Variants in ZKSCAN8 observed in about 807,000 individuals in gnomAD.
ZKSCAN8 encodes the protein zinc finger protein with KRAB and SCAN domains 8.
In ZKSCAN8, 27 loss-of-function variants were observed where a neutral mutation model predicts 57.2. The observed-to-expected ratio is 0.47, with a 90% CI of 0.35 to 0.65. The LOEUF (loss-of-function observed/expected upper bound fraction) is 0.65, where lower values mean the gene tolerates loss of function less well. ZKSCAN8 is among the 30% of genes least tolerant of loss of function. The probability of loss-of-function intolerance (pLI) is 0.01; values close to 1 mark genes in which losing one functional copy is unlikely to be tolerated. For synonymous variants in ZKSCAN8, 214 were observed against 248.7 expected, an observed-to-expected ratio of 0.86 and a Z score of 1.31; for missense variants, 597 against 696.3, an observed-to-expected ratio of 0.86 and a Z score of 1.60.
Position 28,151,906 on chromosome 6 carries a change from G to A in ZKSCAN8, c.621G>A (p.Met207Ile), listed in dbSNP as rs761794277. Residue 207 changes from methionine (M) to isoleucine (I), a missense_variant, in exon 4 of 6, where the codon ATG becomes ATA. Coordinates refer to ENST00000330236, the MANE Select transcript of ZKSCAN8 (RefSeq NM_006298.4). The part of the protein sequence containing the change: ...SQKGSSGDQE[M>I]TATLLTAGFQ... ...AAGGAAGTTCTGGAGACCAGGAAAT[G>A]ACAGCTACACTTCTCACAGCAGGGT... 7.4e-6 allele frequency: 12 copies of A among 1,614,024 alleles called. No individual in the cohort carries two copies. The highest frequency in any genetic ancestry group is 2.7e-5 in the African/African-American group (2 of 74,912).
chr6:28,153,307 A>G lies in ZKSCAN8; in HGVS notation c.1027A>G (p.Ile343Val). The G allele has an allele frequency of 6.2e-7, 1 of 1,614,204 alleles. No homozygotes were observed. Among genetic ancestry groups the G allele is most frequent in the Non-Finnish European group, 8.5e-7 (1 of 1,180,028 alleles). The change falls in exon 6 of 6, where the codon ATC becomes GTC. Residue 343 changes from isoleucine (I) to valine (V), a missense_variant. By Grantham distance (29) the Ile-to-Val change is conservative (BLOSUM62 3). Transcript: ENST00000330236. ...CTCAGGCCTTGTTCGCCACTGGAGA[A>G]TCCACACTGGGGAGAAACCCTATCA... is the stretch of plus-strand genomic sequence containing the variant. The part of the protein sequence containing the change: ...QSSGLVRHWR[I>V]HTGEKPYQCN...
rs1457668592 is a variant in ZKSCAN8, at chr6:28,152,340, G to A, written c.731G>A (p.Cys244Tyr). The change falls in exon 5 of 6, where the codon TGT (cysteine) becomes TAT (tyrosine). Residue 244 changes from cysteine (C) to tyrosine (Y), a missense_variant. Physicochemically the swap from Cys to Tyr is radical, Grantham distance 194 (BLOSUM62 -2). Transcript: ENST00000330236. Reference sequence around the variant, plus strand: ...CTTGATCCATCACAGAAGGATCTGTGTAGAGATAACAGGCCAGAAAATTTC... The same window carrying A: ...CTTGATCCATCACAGAAGGATCTGTATAGAGATAACAGGCCAGAAAATTTC... ...WLLDPSQKDL[C>Y]RDNRPENFRN... 2 of 1,613,508 alleles carry A rather than the reference G, an allele frequency of 1.2e-6. No individual in the cohort carries two copies. The highest frequency in any genetic ancestry group is 3.3e-5 in the Admixed American group (2 of 59,836).
rs778441438 is a variant in ZKSCAN8 at position 28,151,954 on chromosome 6, T to C, written c.651+18T>C. On this transcript the variant is annotated intron_variant, in intron 4 of 5. Transcript: ENST00000330236. ...GGTTCCAGGTGAGTTGTGCTCCTTC[T>C]CACTGAAACGCCATAGCTGTGCTTG... The C allele has an allele frequency of 6.2e-7, 1 of 1,611,146 alleles. No individual in the cohort carries two copies. The highest frequency in any genetic ancestry group is 1.3e-5 in the African/African-American group (1 of 74,852).
At chr6:28,151,026 G>A (rs916906649) in intron 3 of ZKSCAN8, among the ~76,000 whole-genome samples, 35 of 152,152 alleles carry the variant, frequency 2.3e-4, no homozygotes, top group Admixed American at 4.6e-4. Context: ...GGCTGGTCTC[G>A]AACTCCTAGC....
chr6:28,154,855 C>G lies in ZKSCAN8; in HGVS notation c.*838C>G, dbSNP rs1021658892. 2 of 152,640 alleles carry G rather than the reference C, an allele frequency of 1.3e-5. No homozygotes were observed. Among genetic ancestry groups the G allele is most frequent in the Non-Finnish European group, 2.9e-5 (2 of 68,046 alleles). The allele number at this position is 152,640 out of a possible 1,614,324, so 9.5% of individuals were successfully genotyped here. A position where few individuals can be genotyped will look rare whatever the true frequency, so the allele number is the denominator to read the frequency against. On this transcript the variant is annotated 3_prime_UTR_variant, in exon 6 of 6. Transcript: ENST00000330236. ...ATACATTTTGGTGACTTCTGACTCT[C>G]CTTCCACCTCCCCACTGTACACTGT...
At chr6:28,141,736 G>C (rs1581514757), upstream of ZKSCAN8, among the ~76,000 whole-genome samples, 1 of 152,254 alleles carries the variant, frequency 6.6e-6, no homozygotes, top group Admixed American at 6.5e-5. Flanking sequence ...GCACGCAGAC[G>C]CGGGAGGAAC....
Position 28,159,012 on chromosome 6 carries a change from A to T in ZKSCAN8, c.*4995A>T, listed in dbSNP as rs1278232413. ...ATTACTCTCTAGCATATTCACCTTGATTCAACAGATTCAAACTTCCTACAG... is the reference window on the plus strand; with the variant it reads ...ATTACTCTCTAGCATATTCACCTTGTTTCAACAGATTCAAACTTCCTACAG... On this transcript the variant is annotated 3_prime_UTR_variant, in exon 6 of 6. Coordinates refer to ENST00000330236, the MANE Select transcript of ZKSCAN8 (RefSeq NM_006298.4). 6.6e-6 allele frequency: 1 copy of T among 152,162 alleles called. No homozygotes were observed. The highest frequency in any genetic ancestry group is 2.4e-5 in the African/African-American group (1 of 41,414). The allele number at this position is 152,162 out of a possible 1,614,324, so 9.4% of individuals were successfully genotyped here. A position where few individuals can be genotyped will look rare whatever the true frequency, so the allele number is the denominator to read the frequency against.
Position 28,153,375 on chromosome 6 carries a change from T to C in ZKSCAN8, c.1095T>C (p.Leu365=). Residue 365 remains leucine (L), a synonymous_variant, in exon 6 of 6, where the codon CTT becomes CTC. Transcript: ENST00000330236. ...CGKAFSYRSA[L]LSHQDIHNKV... is the part of the protein sequence containing the mutation. ...AAGCCTTCAGTTACAGGTCAGCCCT[T>C]CTTTCACATCAGGATATCCACAACA... 2 of 1,613,808 alleles carry C rather than the reference T, an allele frequency of 1.2e-6. No homozygotes were observed. Among genetic ancestry groups the C allele is most frequent in the Non-Finnish European group, 1.7e-6 (2 of 1,179,930 alleles).
chr6:28,152,202 T>TATAGGTTTGAGCTGTGGAACAGTCCC (rs1195566615), intron 4 of ZKSCAN8, 59 bp from the exon 5 acceptor site: 1 of 1,557,372 alleles, frequency 6.4e-7, no homozygotes. Flanking sequence ...TCTCAAGCTC[T>TATAGGTTTGAGCTGTGGAACAGTCCC]ATAGGTTTGA....
At position 28,148,382 on chromosome 6, in the gene ZKSCAN8, G is replaced by T; in HGVS notation, c.-26G>T. ...AGAAGATAAAGAAGGTAGTGGAAAC[G>T]AACTTCCTGAGCTTTTCAGGCTCTA... On this transcript the variant is annotated 5_prime_UTR_variant, in exon 2 of 6. Coordinates refer to ENST00000330236, the MANE Select transcript of ZKSCAN8 (RefSeq NM_006298.4). The T allele has an allele frequency of 1.3e-6, 2 of 1,589,882 alleles. No homozygotes were observed. Among genetic ancestry groups the T allele is most frequent in the South Asian group, 2.3e-5 (2 of 88,714 alleles).
rs111684560 is a variant in ZKSCAN8, at chr6:28,148,841, A to G, written c.417+17A>G. 1 of 1,601,462 alleles carries G rather than the reference A, an allele frequency of 6.2e-7. No individual in the cohort carries two copies. Among genetic ancestry groups the G allele is most frequent in the Non-Finnish European group, 8.5e-7 (1 of 1,172,732 alleles). On this transcript the variant is annotated intron_variant, in intron 2 of 5. Coordinates refer to ENST00000330236, the MANE Select transcript of ZKSCAN8 (RefSeq NM_006298.4). ...GGACGACCAGTAAGTAGAAGGAGGTATGCGTGCTATGACTGTGGGAGTCCT... is the reference window on the plus strand; with the variant it reads ...GGACGACCAGTAAGTAGAAGGAGGTGTGCGTGCTATGACTGTGGGAGTCCT...
Position 28,155,957 on chromosome 6 carries a change from T to G in ZKSCAN8, c.*1940T>G, listed in dbSNP as rs1765767259. ...TCCCTTCTCTTGTTTCTTTTATTTA[T>G]AAGTTACCATTCCTAGTTTCTTTGT... On this transcript the variant is annotated 3_prime_UTR_variant, in exon 6 of 6. Transcript: ENST00000330236. The G allele has an allele frequency of 7.6e-6, 3 of 394,304 alleles. No individual in the cohort carries two copies. 24.4% of individuals were successfully genotyped at this position (394,304 alleles called of 1,614,324 possible).
intron 1 of ZKSCAN8, among the ~76,000 whole-genome samples, chr6:28,143,116 T>G (rs1339865527): frequency 6.6e-6 from 1 of 152,198 alleles, no homozygotes; most frequent in African/African-American, 2.4e-5. Flanking sequence ...TAAACTTGAC[T>G]AGGTGTTCTT....
At chr6:28,149,176 C>G (rs1447020138) in intron 2 of ZKSCAN8, among the ~76,000 whole-genome samples, 1 of 152,184 alleles carries the variant, frequency 6.6e-6, no homozygotes, top group Non-Finnish European at 1.5e-5. Context: ...GATTTTTCTA[C>G]TGCATAGCAC....
In ZKSCAN8 at chr6:28,156,219, C is replaced by T. The variant is rs959795446; in HGVS notation, c.*2202C>T. On this transcript the variant is annotated 3_prime_UTR_variant, in exon 6 of 6. Coordinates refer to ENST00000330236, the MANE Select transcript of ZKSCAN8 (RefSeq NM_006298.4). The stretch of plus-strand genomic sequence containing the variant: ...CCATACACTTTAGAAGAACGCTTCT[C>T]TTCTATTCCAATAAAAAGTCCTTTT... 7.5e-6 allele frequency: 3 copies of T among 398,252 alleles called. No individual in the cohort carries two copies. The highest frequency in any genetic ancestry group is 6.2e-5 in the African/African-American group (3 of 48,600). 24.7% of individuals were successfully genotyped at this position (398,252 alleles called of 1,614,324 possible). A position where few individuals can be genotyped will look rare whatever the true frequency, so the allele number is the denominator to read the frequency against.
At chr6:28,151,250 C>A (rs564894210) in intron 3 of ZKSCAN8, among the ~76,000 whole-genome samples, 5 of 152,184 alleles carry the variant, frequency 3.3e-5, no homozygotes, top group Admixed American at 1.3e-4. Flanking sequence ...GTCTCATCTT[C>A]CCCTGCATTT....
rs952955110 is a variant in ZKSCAN8, at chr6:28,155,559, T to C, written c.*1542T>C. On this transcript the variant is annotated 3_prime_UTR_variant, in exon 6 of 6. Transcript: ENST00000330236. The stretch of plus-strand genomic sequence containing the variant: ...ATTCACCAGAGTTGGAATTGAGAAA[T>C]TTTGGGCTTTCCAAAATTAACCTTT... 2.0e-5 allele frequency: 3 copies of C among 152,198 alleles called. No individual in the cohort carries two copies. The highest frequency in any genetic ancestry group is 4.4e-5 in the Non-Finnish European group (3 of 68,040). The allele number at this position is 152,198 out of a possible 1,614,324, so 9.4% of individuals were successfully genotyped here. A position where few individuals can be genotyped will look rare whatever the true frequency, so the allele number is the denominator to read the frequency against.
chr6:28,147,902 T>C (rs937779792), intron 1 of ZKSCAN8, among the ~76,000 whole-genome samples: 26 of 152,208 alleles, frequency 1.7e-4, no homozygotes, highest in African/African-American at 5.1e-4. Context: ...ATTAGTCTCA[T>C]CTGTTAAGAG....
In ZKSCAN8 at chr6:28,155,295, C is replaced by T. The variant is rs1440089732; in HGVS notation, c.*1278C>T. The T allele has an allele frequency of 6.6e-6, 1 of 152,200 alleles. No individual in the cohort carries two copies. Among genetic ancestry groups the T allele is most frequent in the African/African-American group, 2.4e-5 (1 of 41,446 alleles). The allele number at this position is 152,200 out of a possible 1,614,324, so 9.4% of individuals were successfully genotyped here. On this transcript the variant is annotated 3_prime_UTR_variant, in exon 6 of 6. Transcript: ENST00000330236. ...AGTATCACCAGGCACTATATTTCATCTTTGAGGCTTTTGTTATACCAAGGA... is the reference window on the plus strand; with the variant it reads ...AGTATCACCAGGCACTATATTTCATTTTTGAGGCTTTTGTTATACCAAGGA...
Sources: gnomAD v4.1 joint callset for allele counts (sites outside exome capture counted in the v4.1 genomes callset) on GRCh38, gnomAD v4.1.1 for gene constraint, MANE v1.5 for transcripts, NCBI Gene and HGNC (gene_info 2026-07-23, HGNC 2026-07-21) for gene names.